BAG2: variants seen among roughly 807,000 people sequenced by gnomAD.
BAG2 encodes the protein BAG cochaperone 2.
BAG2 carries 8 observed loss-of-function variants against 16.4 expected under a neutral mutation model. The observed-to-expected ratio is 0.49, with a 90% confidence interval of 0.29 to 0.88. The LOEUF (loss-of-function observed/expected upper bound fraction) is 0.88. BAG2 is among the 40% of genes least tolerant of loss of function. BAG2 has a pLI of 0.09. For missense variants in BAG2, 218 were observed against 248.9 expected (o/e 0.88, Z 0.84); for synonymous variants, 82 against 89.2 (o/e 0.92, Z 0.46).
rs557886874 is a variant in BAG2 at position 57,185,024 on chromosome 6, C to A, written c.*834C>A. On this transcript the variant is annotated 3_prime_UTR_variant, in exon 3 of 3. Coordinates refer to ENST00000370693, the MANE Select transcript of BAG2 (RefSeq NM_004282.4). The stretch of plus-strand genomic sequence containing the variant: ...TTCCAACTTGTTGCTATTACTGCAA[C>A]ATATTTTTGTACACAGGACTTTTTC... 1 of 152,250 alleles carries A rather than the reference C, an allele frequency of 6.6e-6. No individual in the cohort carries two copies. Among genetic ancestry groups the A allele is most frequent in the East Asian group, 1.9e-4 (1 of 5,190 alleles). The allele number at this position is 152,250 out of a possible 1,614,324, so 9.4% of individuals were successfully genotyped here.
intron 1 of BAG2, among the ~76,000 whole-genome samples, chr6:57,176,174 T>C (rs1156445755): frequency 6.6e-6 from 1 of 152,198 alleles, no homozygotes; most frequent in Non-Finnish European, 1.5e-5. Context: ...GTACACGGAC[T>C]ATGTGCCAGG....
chr6:57,182,528 AC>A (rs1764491505), intron 2 of BAG2, among the ~76,000 whole-genome samples: 2 of 143,442 alleles, frequency 1.4e-5, no homozygotes, highest in African/African-American at 2.7e-5. Context: ...AGAAGTAGAG[AC>A]CAAAAAAAAA....
At chr6:57,172,907 T>A in intron 1 of BAG2, 97 bp downstream of exon 1, 1 of 1,073,588 alleles carries the variant, frequency 9.3e-7, no homozygotes. Flanking sequence ...GGCCGGGGCC[T>A]GGGGCACAGT....
intron 1 of BAG2, among the ~76,000 whole-genome samples, chr6:57,177,821 A>G (rs1218333790): frequency 6.6e-6 from 1 of 152,154 alleles, no homozygotes; most frequent in African/African-American, 2.4e-5. Context: ...AGTTTGCGCA[A>G]AATTGCTGTT....
intron 1 of BAG2, among the ~76,000 whole-genome samples, chr6:57,179,564 G>T (rs1764379411): frequency 6.6e-6 from 1 of 152,178 alleles, no homozygotes; most frequent in Non-Finnish European, 1.5e-5. Flanking sequence ...TAAGACAGCA[G>T]TTAGGATTAG....
chr6:57,187,755 G>A lies in BAG2; in HGVS notation c.*3565G>A, dbSNP rs1319563958. The A allele has an allele frequency of 6.6e-6, 1 of 152,072 alleles. No individual in the cohort carries two copies. The highest frequency in any genetic ancestry group is 1.5e-5 in the Non-Finnish European group (1 of 68,020). The allele number at this position is 152,072 out of a possible 1,614,324, so 9.4% of individuals were successfully genotyped here. Reference sequence around the variant, plus strand: ...CCAAGGAGTACATGTTATTTATTGAGAGTTCCTTCTGAGCACTGCACTGCC... The same window carrying A: ...CCAAGGAGTACATGTTATTTATTGAAAGTTCCTTCTGAGCACTGCACTGCC... On this transcript the variant is annotated 3_prime_UTR_variant, in exon 3 of 3. Transcript: ENST00000370693.
chr6:57,187,859 T>C lies in BAG2; in HGVS notation c.*3669T>C, dbSNP rs1453061157. ...ATCCTCTTTTTGGTAGTTTTAGCTT[T>C]ATTTTGAAAAAGTAACGTGTGCTAT... is the stretch of plus-strand genomic sequence containing the variant. On this transcript the variant is annotated 3_prime_UTR_variant, in exon 3 of 3. Transcript: ENST00000370693. 2 of 152,130 alleles carry C rather than the reference T, an allele frequency of 1.3e-5. No individual in the cohort carries two copies. The highest frequency in any genetic ancestry group is 2.9e-5 in the Non-Finnish European group (2 of 68,018). 9.4% of individuals were successfully genotyped at this position (152,130 alleles called of 1,614,324 possible).
Position 57,172,532 on chromosome 6 carries a change from C to T in BAG2, c.-166C>T, listed in dbSNP as rs1764149968. Reference sequence around the variant, plus strand: ...CGCCGCGCCTGCCCTTCTTTGGCTACGCTGCAGCCGCGGTGTCGGCGAGTC... The same window carrying T: ...CGCCGCGCCTGCCCTTCTTTGGCTATGCTGCAGCCGCGGTGTCGGCGAGTC... On this transcript the variant is annotated 5_prime_UTR_variant, in exon 1 of 3. The change creates a new upstream start codon in the 5' untranslated region. Transcript: ENST00000370693. 5 of 503,642 alleles carry T rather than the reference C, an allele frequency of 9.9e-6. No homozygotes were observed. The highest frequency in any genetic ancestry group is 5.8e-4 in the Middle Eastern group (1 of 1,726). The allele number at this position is 503,642 out of a possible 1,614,324, so 31.2% of individuals were successfully genotyped here.
At chr6:57,177,203 G>T (rs1207312818) in intron 1 of BAG2, among the ~76,000 whole-genome samples, 1 of 152,066 alleles carries the variant, frequency 6.6e-6, no homozygotes, top group African/African-American at 2.4e-5. Context: ...ATCACCTGAG[G>T]TCAGGAGTTT....
intron 1 of BAG2, 158 bp downstream of exon 1, chr6:57,172,968 G>A: frequency 1.4e-6 from 1 of 698,536 alleles, no homozygotes; most frequent in Non-Finnish European, 2.1e-6. Flanking sequence ...GGATGGACGT[G>A]GTGTAGTTTT....
chr6:57,174,430 A>C, intron 1 of BAG2: 1 of 1,290,468 alleles, frequency 7.7e-7, no homozygotes, highest in South Asian at 1.2e-5. Context: ...GCTCCTCTTT[A>C]AAAGAAAGCC....
chr6:57,175,202 T>G (rs533331284), intron 1 of BAG2, among the ~76,000 whole-genome samples: 13 of 152,356 alleles, frequency 8.5e-5, no homozygotes, highest in African/African-American at 3.1e-4. Flanking sequence ...TCAAACCATC[T>G]TGCTTACTAT....
Position 57,172,800 on chromosome 6 carries a change from CT to C in BAG2, c.104del (p.Leu35ArgfsTer8). On this transcript the variant is annotated frameshift_variant, in exon 1 of 3. Coordinates refer to ENST00000370693, the MANE Select transcript of BAG2 (RefSeq NM_004282.4). LOFTEE classifies it high-confidence loss of function. The stretch of plus-strand genomic sequence containing the variant: ...CCGCCTGCTGGAGAGCCTGGACCAG[CT>C]GGAGCTCAGGTGAGCTCCGGGCGGG... ...SSRLLESLDQ[L>X]ELRVEALREA... 1 of 1,556,380 alleles carries C rather than the reference CT, an allele frequency of 6.4e-7. No homozygotes were observed. The highest frequency in any genetic ancestry group is 8.7e-7 in the Non-Finnish European group (1 of 1,153,842).
intron 1 of BAG2, among the ~76,000 whole-genome samples, chr6:57,174,730 C>T (rs1224582236): frequency 1.3e-5 from 2 of 151,750 alleles, no homozygotes; most frequent in African/African-American, 4.8e-5. Flanking sequence ...TTTTTGAAAC[C>T]ACATGGGCAA....
chr6:57,179,326 C>T (rs1048354026), intron 1 of BAG2, among the ~76,000 whole-genome samples: 2 of 152,182 alleles, frequency 1.3e-5, no homozygotes, highest in African/African-American at 4.8e-5. Context: ...TGCGATTCTT[C>T]CCAGTTCTTT....
At chr6:57,177,762 C>T (rs370513486) in intron 1 of BAG2, among the ~76,000 whole-genome samples, 4 of 152,108 alleles carry the variant, frequency 2.6e-5, no homozygotes, top group South Asian at 2.1e-4. Flanking sequence ...GCAGTGCTGG[C>T]GCAGTTTTCA....
chr6:57,178,352 TAAAC>T (rs1764345482), intron 1 of BAG2, among the ~76,000 whole-genome samples: 2 of 152,310 alleles, frequency 1.3e-5, no homozygotes, highest in South Asian at 2.1e-4. Flanking sequence ...AAACGTTACT[TAAAC>T]TAAGTAGAGA....
Position 57,172,737 on chromosome 6 carries a change from C to A in BAG2, c.40C>A (p.Arg14Ser). The stretch of plus-strand genomic sequence containing the variant: ...GATCAACGCTAAAGCCAACGAGGGG[C>A]GCTTCTGCCGCTCCTCCTCCATGGC... Reference protein sequence around the residue: ...AKINAKANEGRFCRSSSMADR... With the variant: ...AKINAKANEGSFCRSSSMADR... Residue 14 changes from arginine to serine, a missense_variant, in exon 1 of 3, where the codon CGC (arginine) becomes AGC (serine). Around this residue, in one of 3 missense-constraint regions of BAG2, gnomAD observed 75 missense variants for 63.1 expected, o/e 1.19. Coordinates refer to ENST00000370693, the MANE Select transcript of BAG2 (RefSeq NM_004282.4). The A allele has an allele frequency of 6.3e-7, 1 of 1,581,056 alleles. No homozygotes were observed.
At chr6:57,173,580 C>A in intron 1 of BAG2, 1 of 830,950 alleles carries the variant, frequency 1.2e-6, no homozygotes, top group Non-Finnish European at 1.5e-6. Flanking sequence ...CAGTAGTAGA[C>A]TTGTATAGAA....
Sources: gnomAD v4.1 joint callset for allele counts (sites outside exome capture counted in the v4.1 genomes callset) on GRCh38, gnomAD v4.1.1 for gene constraint, gnomAD v4.1.1 regional missense constraint, MANE v1.5 for transcripts, NCBI Gene and HGNC (gene_info 2026-07-23, HGNC 2026-07-21) for gene names.